HS3ST4: variants seen among roughly 807,000 people sequenced by gnomAD.
HS3ST4 encodes the protein heparan sulfate-glucosamine 3-sulfotransferase 4, also known as heparan sulfate glucosamine 3-O-sulfotransferase 4.
A neutral mutation model predicts 29.2 loss-of-function variants in HS3ST4; 17 were observed. The ratio of observed to expected loss-of-function variants is 0.58; its 90% CI spans 0.40 to 0.87. The LOEUF (loss-of-function observed/expected upper bound fraction) is 0.87. Ranked by LOEUF, HS3ST4 falls within the 40% of genes least tolerant of loss-of-function variation. The pLI is 0.00. For missense variants in HS3ST4, 627 were observed against 634.5 expected (o/e 0.99, Z 0.13); for synonymous variants, 314 against 285.7 (o/e 1.10, Z -1.00).
intron 1 of HS3ST4, among the ~76,000 whole-genome samples, chr16:25,789,238 T>C (rs1158785523): frequency 6.6e-6 from 1 of 152,038 alleles, no homozygotes; most frequent in Admixed American, 6.5e-5. Flanking sequence ...CACCTTCTCC[T>C]CCTCCTCCAA....
chr16:25,726,347 C>G (rs1437518569), intron 1 of HS3ST4, among the ~76,000 whole-genome samples: 1 of 150,872 alleles, frequency 6.6e-6, no homozygotes, highest in Non-Finnish European at 1.5e-5. Flanking sequence ...CTTTGTATTT[C>G]TAATGTATTT....
At chr16:26,072,777 A>G (rs1409780549) in intron 1 of HS3ST4, among the ~76,000 whole-genome samples, 3 of 152,214 alleles carry the variant, frequency 2.0e-5, no homozygotes, top group Non-Finnish European at 4.4e-5. Context: ...TAACTTTTCC[A>G]TGAAAACAAG....
chr16:26,049,298 G>A (rs943221890), intron 1 of HS3ST4, among the ~76,000 whole-genome samples: 1 of 150,212 alleles, frequency 6.7e-6, no homozygotes, highest in Non-Finnish European at 1.5e-5. Flanking sequence ...CAAGGTGAGG[G>A]GGGAGGAAAA....
chr16:26,116,440 G>T (rs1230150560), intron 1 of HS3ST4, among the ~76,000 whole-genome samples: 1 of 152,222 alleles, frequency 6.6e-6, no homozygotes, highest in African/African-American at 2.4e-5. Context: ...ATAGTACCAG[G>T]AGGTGGGGAG....
intron 1 of HS3ST4, among the ~76,000 whole-genome samples, chr16:25,804,791 C>T (rs1221421645): frequency 6.6e-6 from 1 of 152,056 alleles, no homozygotes; most frequent in Admixed American, 6.6e-5. Flanking sequence ...CCATTGGGAG[C>T]CTTATCTCAG....
intron 1 of HS3ST4, among the ~76,000 whole-genome samples, chr16:25,991,046 G>A (rs1181447065): frequency 6.7e-6 from 1 of 148,620 alleles, no homozygotes; most frequent in East Asian, 1.9e-4. Context: ...AGCGTCACCG[G>A]CCTCACCAGG....
intron 1 of HS3ST4, among the ~76,000 whole-genome samples, chr16:26,018,382 T>A (rs1160237931): frequency 6.6e-6 from 1 of 152,174 alleles, no homozygotes; most frequent in Non-Finnish European, 1.5e-5. Context: ...GGAGACTGGT[T>A]GTGGGAATTC....
intron 1 of HS3ST4, among the ~76,000 whole-genome samples, chr16:25,857,237 G>C (rs1967582136): frequency 6.6e-6 from 1 of 152,112 alleles, no homozygotes; most frequent in African/African-American, 2.4e-5. Context: ...TTCTTCTCCA[G>C]GTGGGTAGAT....
At chr16:26,020,799 G>A (rs1208440474) in intron 1 of HS3ST4, among the ~76,000 whole-genome samples, 1 of 152,138 alleles carries the variant, frequency 6.6e-6, no homozygotes, top group African/African-American at 2.4e-5. Context: ...CCGTGTGCAG[G>A]TTCAAGTGTG....
At chr16:25,727,118 T>TA (rs1966541366) in intron 1 of HS3ST4, among the ~76,000 whole-genome samples, 1 of 152,206 alleles carries the variant, frequency 6.6e-6, no homozygotes, top group African/African-American at 2.4e-5. Flanking sequence ...GGTATGTACT[T>TA]AGATTTAGAG....
chr16:26,093,844 G>A (rs111332983), intron 1 of HS3ST4, among the ~76,000 whole-genome samples: 3,170 of 152,198 alleles, frequency 0.021, 126 homozygotes, highest in African/African-American at 0.071. Flanking sequence ...CAAACCCATC[G>A]CAAGGAAGCT....
chr16:25,852,576 T>C (rs1400403094), intron 1 of HS3ST4, among the ~76,000 whole-genome samples: 3 of 152,068 alleles, frequency 2.0e-5, no homozygotes, highest in African/African-American at 7.2e-5. Context: ...ATCTTTTTTT[T>C]TTTCTTTTAA....
At chr16:25,887,577 C>T (rs187360202) in intron 1 of HS3ST4, among the ~76,000 whole-genome samples, 17 of 152,230 alleles carry the variant, frequency 1.1e-4, no homozygotes, top group Admixed American at 8.5e-4. Context: ...AACTGGGAGC[C>T]GCCTTCCCAC....
chr16:26,037,736 C>T (rs1969596513), intron 1 of HS3ST4, among the ~76,000 whole-genome samples: 1 of 152,174 alleles, frequency 6.6e-6, no homozygotes, highest in Non-Finnish European at 1.5e-5. Flanking sequence ...GGTGCCATTA[C>T]CCTGGCCCCT....
At chr16:25,807,209 G>A (rs576157923) in intron 1 of HS3ST4, among the ~76,000 whole-genome samples, 1 of 152,212 alleles carries the variant, frequency 6.6e-6, no homozygotes, top group South Asian at 2.1e-4. Context: ...CCTGACCTCA[G>A]GTGATCCACC....
At chr16:25,721,623 G>C (rs924795392) in intron 1 of HS3ST4, among the ~76,000 whole-genome samples, 3 of 152,174 alleles carry the variant, frequency 2.0e-5, no homozygotes, top group African/African-American at 7.2e-5. Context: ...TTTATGCACA[G>C]ACAGTTCTTG....
intron 1 of HS3ST4, among the ~76,000 whole-genome samples, chr16:25,979,670 A>G (rs1266332894): frequency 1.4e-4 from 21 of 152,186 alleles, no homozygotes; most frequent in Admixed American, 1.4e-3. Flanking sequence ...TTACAACGTA[A>G]AATAGAAATA....
intron 1 of HS3ST4, among the ~76,000 whole-genome samples, chr16:25,837,391 T>A (rs773530577): frequency 6.6e-6 from 1 of 151,976 alleles, no homozygotes; most frequent in Non-Finnish European, 1.5e-5. Context: ...GTGAAAAAAA[T>A]GATGAGGATT....
At chr16:25,810,471 C>G (rs1967032066) in intron 1 of HS3ST4, among the ~76,000 whole-genome samples, 1 of 152,112 alleles carries the variant, frequency 6.6e-6, no homozygotes. Context: ...CAGCGAGATC[C>G]TGTGGGCTGC....
Sources: gnomAD v4.1 joint callset for allele counts (sites outside exome capture counted in the v4.1 genomes callset) on GRCh38, gnomAD v4.1.1 for gene constraint, MANE v1.5 for transcripts, NCBI Gene and HGNC (gene_info 2026-07-23, HGNC 2026-07-21) for gene names.